FAT3: variants seen among roughly 807,000 people sequenced by gnomAD.
The protein encoded by FAT3 is FAT atypical cadherin 3, also known as protocadherin Fat 3.
In FAT3, 95 loss-of-function variants were observed where a neutral mutation model predicts 310.2. The observed-to-expected ratio is 0.31, with a 90% CI of 0.26 to 0.36. FAT3 has a LOEUF of 0.36. Ranked by LOEUF, FAT3 falls within the 10% of genes least tolerant of loss-of-function variation. The pLI is 1.00. For missense variants in FAT3, 5,408 were observed against 5,715.6 expected (o/e 0.95, Z 1.74); for synonymous variants, 2,314 against 2,192.9 (o/e 1.06, Z -1.54).
chr11:92,517,361 C>A (rs1953521549), intron 2 of FAT3, among the ~76,000 whole-genome samples: 1 of 151,650 alleles, frequency 6.6e-6, no homozygotes, highest in African/African-American at 2.4e-5. Context: ...ATAAACCAGA[C>A]AAAAACAAGT....
rs558307095 is a variant in FAT3, at chr11:92,790,003, G to A, written c.4396G>A (p.Asp1466Asn). The A allele has an allele frequency of 8.7e-6, 14 of 1,613,782 alleles. No individual in the cohort carries two copies. In the Middle Eastern group the frequency reaches 6.6e-4, roughly 76 times the overall value. Residue 1466 changes from aspartate to asparagine, a missense_variant, in exon 8 of 28, where the codon GAT (aspartate) becomes AAT (asparagine). Physicochemically the swap from Asp to Asn is conservative, Grantham distance 23 (BLOSUM62 1). Coordinates refer to ENST00000525166, the MANE Select transcript of FAT3 (RefSeq NM_001367949.2). The stretch of plus-strand genomic sequence containing the variant: ...CCCAGAATTCTCTCAGCCGAATTAC[G>A]ATGTGACAATTTCCGAGGATGTGCT... The part of the protein sequence containing the change: ...NGPEFSQPNY[D>N]VTISEDVLPD...
At chr11:92,374,429 C>T (rs1949285215) in intron 2 of FAT3, among the ~76,000 whole-genome samples, 1 of 152,130 alleles carries the variant, frequency 6.6e-6, no homozygotes, top group African/African-American at 2.4e-5. Flanking sequence ...GAAGGCCTCA[C>T]TAGGGAGAGA....
At chr11:92,433,336 G>T (rs983614303) in intron 2 of FAT3, among the ~76,000 whole-genome samples, 1 of 152,148 alleles carries the variant, frequency 6.6e-6, no homozygotes, top group African/African-American at 2.4e-5. Flanking sequence ...GCCCAGCTTT[G>T]TCTTGAAACC....
At chr11:92,658,219 C>T (rs1011907856) in intron 3 of FAT3, among the ~76,000 whole-genome samples, 2 of 152,138 alleles carry the variant, frequency 1.3e-5, no homozygotes, top group South Asian at 2.1e-4. Flanking sequence ...ATGAAATTTA[C>T]AGTTGGAAAA....
intron 2 of FAT3, among the ~76,000 whole-genome samples, chr11:92,370,434 C>A (rs939350482): frequency 6.6e-6 from 1 of 152,164 alleles, no homozygotes; most frequent in Non-Finnish European, 1.5e-5. Context: ...CTCCTTCATG[C>A]GTGTTGGTCC....
chr11:92,583,351 G>A (rs1938922498), intron 3 of FAT3, among the ~76,000 whole-genome samples: 1 of 152,006 alleles, frequency 6.6e-6, no homozygotes, highest in Non-Finnish European at 1.5e-5. Context: ...GTTAAGGCAG[G>A]GATTTGGTGG....
chr11:92,312,612 G>A (rs1176471587), intron 1 of FAT3, among the ~76,000 whole-genome samples: 1 of 152,162 alleles, frequency 6.6e-6, no homozygotes, highest in African/African-American at 2.4e-5. Context: ...AAACCTCAAA[G>A]TGATATATGG....
chr11:92,537,163 C>A (rs1262670436), intron 3 of FAT3, among the ~76,000 whole-genome samples: 1 of 152,058 alleles, frequency 6.6e-6, no homozygotes, highest in Non-Finnish European at 1.5e-5. Context: ...TGAGCGGGAG[C>A]TGGTTTTGCG....
intron 2 of FAT3, among the ~76,000 whole-genome samples, chr11:92,462,269 C>T (rs1233298217): frequency 2.0e-5 from 3 of 151,736 alleles, no homozygotes; most frequent in African/African-American, 7.3e-5. Flanking sequence ...TTTCATCATC[C>T]AGGGAGTAAG....
intron 1 of FAT3, among the ~76,000 whole-genome samples, chr11:92,253,867 T>C (rs1363243349): frequency 2.6e-5 from 4 of 152,302 alleles, no homozygotes; most frequent in Admixed American, 6.5e-5. Context: ...TTCAGAGTTA[T>C]AGAATATTCA....
At chr11:92,370,893 G>A (rs1949168594) in intron 2 of FAT3, among the ~76,000 whole-genome samples, 1 of 152,080 alleles carries the variant, frequency 6.6e-6, no homozygotes, top group Non-Finnish European at 1.5e-5. Context: ...TCATAATTTG[G>A]TAAAATATGT....
intron 4 of FAT3, among the ~76,000 whole-genome samples, chr11:92,716,840 T>C (rs1310580855): frequency 6.6e-6 from 1 of 152,212 alleles, no homozygotes; most frequent in Non-Finnish European, 1.5e-5. Flanking sequence ...GATTTAATGT[T>C]GTTACAGTGA....
intron 2 of FAT3, among the ~76,000 whole-genome samples, chr11:92,492,852 C>T (rs932833029): frequency 6.6e-5 from 10 of 152,068 alleles, no homozygotes; most frequent in Non-Finnish European, 1.2e-4. Flanking sequence ...TGAACAAATG[C>T]TGGTTCCCTT....
chr11:92,347,966 A>T (rs186370342), intron 1 of FAT3, among the ~76,000 whole-genome samples: 2,578 of 151,882 alleles, frequency 0.017, 28 homozygotes, highest in Middle Eastern at 0.02. Context: ...TATTATTTTT[A>T]AAAAAAACTT....
chr11:92,484,686 T>C (rs1379722647), intron 2 of FAT3, among the ~76,000 whole-genome samples: 1 of 152,228 alleles, frequency 6.6e-6, no homozygotes, highest in Non-Finnish European at 1.5e-5. Flanking sequence ...GCTTATTGTT[T>C]GTAAGTTAGA....
chr11:92,289,296 A>C (rs763610373), intron 1 of FAT3, among the ~76,000 whole-genome samples: 1 of 152,088 alleles, frequency 6.6e-6, no homozygotes, highest in Non-Finnish European at 1.5e-5. Flanking sequence ...CCTATATTTT[A>C]GTACACTTAT....
At chr11:92,717,539 C>T (rs1398333930) in intron 4 of FAT3, among the ~76,000 whole-genome samples, 1 of 152,134 alleles carries the variant, frequency 6.6e-6, no homozygotes, top group African/African-American at 2.4e-5. Flanking sequence ...TGACAAGAGA[C>T]CTCAGTTTGA....
rs1373762127 is a variant in FAT3 at position 92,354,472 on chromosome 11, T to C, written c.2360T>C (p.Met787Thr). Residue 787 changes from methionine to threonine, a missense_variant, in exon 2 of 28, where the codon ATG (methionine) becomes ACG (threonine). Met to Thr is a moderately conservative substitution (Grantham distance 81). Coordinates refer to ENST00000525166, the MANE Select transcript of FAT3 (RefSeq NM_001367949.2). ...DMETGQLKVLMPMDREHTDLY... is the reference protein window; with the variant it reads ...DMETGQLKVLTPMDREHTDLY... ...GAGACTGGGCAGCTTAAAGTCCTTA[T>C]GCCCATGGATCGAGAACACACAGAC... 5.6e-6 allele frequency: 9 copies of C among 1,613,750 alleles called. No homozygotes were observed. The South Asian group carries it at 8.8e-5, about 16-fold the overall frequency.
chr11:92,750,346 G>T (rs1235649823), intron 4 of FAT3, among the ~76,000 whole-genome samples: 1 of 152,152 alleles, frequency 6.6e-6, no homozygotes, highest in African/African-American at 2.4e-5. Flanking sequence ...GGGATGGTCA[G>T]GATAGGGGGA....
Sources: allele counts gnomAD v4.1 joint callset (sites outside exome capture counted in the v4.1 genomes callset), GRCh38; gene constraint gnomAD v4.1.1; transcripts MANE v1.5; gene names NCBI Gene and HGNC (gene_info 2026-07-23, HGNC 2026-07-21).